EML4: variants seen among roughly 807,000 people sequenced by gnomAD.
EML4 encodes echinoderm microtubule-associated protein-like 4.
Under a neutral mutation model 129.0 loss-of-function variants are expected in EML4, and 72 were observed. That is an observed-to-expected ratio of 0.56 (90% CI 0.46 to 0.68). The LOEUF (loss-of-function observed/expected upper bound fraction) is 0.68, where lower values mean the gene tolerates loss of function less well. Among genes scored for constraint, EML4 ranks in the 30% least tolerant of loss-of-function variants. EML4 has a pLI of 0.00. For synonymous variants in EML4, 532 were observed against 405.0 expected, an observed-to-expected ratio of 1.31 and a Z score of -3.77; for missense variants, 1,363 against 1,190.6, an observed-to-expected ratio of 1.14 and a Z score of -2.13.
chr2:42,299,626 T>C (rs1414368798), intron 13 of EML4, among the ~76,000 whole-genome samples: 1 of 152,220 alleles, frequency 6.6e-6, no homozygotes, highest in Non-Finnish European at 1.5e-5. Context: ...TTCATATAAA[T>C]GGAGTCATAC....
rs1471028384 is a variant in EML4, at chr2:42,303,220, A to G, written c.1758A>G (p.Ile586Met). ...LRGTFNDGFQ[I>M]EVQGHTDELW... ...GAACATTTAATGATGGCTTCCAAAT[A>G]GAAGTACAGGTAAGCTGTGTGATAT... Residue 586 changes from isoleucine to methionine, a missense_variant, in exon 15 of 23, where the codon ATA (isoleucine) becomes ATG (methionine). Physicochemically the swap from Ile to Met is conservative, Grantham distance 10. Coordinates refer to ENST00000318522, the MANE Select transcript of EML4 (RefSeq NM_019063.5). 2.0e-5 allele frequency: 33 copies of G among 1,614,206 alleles called. No individual in the cohort carries two copies. Among genetic ancestry groups the G allele is most frequent in the Non-Finnish European group, 2.6e-5 (31 of 1,180,028 alleles).
At chr2:42,293,301 CTA>C (rs778627134) in intron 11 of EML4, among the ~76,000 whole-genome samples, 8 of 151,960 alleles carry the variant, frequency 5.3e-5, no homozygotes, top group Non-Finnish European at 7.4e-5. Flanking sequence ...ACAGGTCTCA[CTA>C]TGTTGCACAG....
In EML4 at chr2:42,303,305, T is replaced by C; in HGVS notation, c.1768-10T>C. ...TGGTTCTTATAACAATGAGTGTCTT[T>C]CATTTTCAGGGTCATACAGATGAGC... On this transcript the variant is annotated splice_polypyrimidine_tract_variant and intron_variant, in intron 15 of 22. Transcript: ENST00000318522. 9 of 1,614,136 alleles carry C rather than the reference T, an allele frequency of 5.6e-6. No individual in the cohort carries two copies. The highest frequency in any genetic ancestry group is 7.6e-6 in the Non-Finnish European group (9 of 1,180,006).
In EML4 at chr2:42,209,763, C is replaced by T. The variant is rs1186773153; in HGVS notation, c.26-35742C>T. ...TGACCAACACGGAGAAACCCGGTCT[C>T]TATTAAAAATACAAAATTAGCTGGG... On this transcript the variant is annotated intron_variant, in intron 1 of 22. Coordinates refer to ENST00000318522, the MANE Select transcript of EML4 (RefSeq NM_019063.5). 2.0e-5 allele frequency among the ~76,000 whole-genome samples: 3 copies of T among 152,104 alleles called. 1 individual carries two copies. Among genetic ancestry groups the T allele is most frequent in the African/African-American group, 7.2e-5 (3 of 41,422 alleles).
Position 42,291,010 on chromosome 2 carries a change from A to G in EML4, c.1218+2688A>G, listed in dbSNP as rs181125619. On this transcript the variant is annotated intron_variant, in intron 11 of 22. Coordinates refer to ENST00000318522, the MANE Select transcript of EML4 (RefSeq NM_019063.5). ...AGAATAAGGTCAAAGCACATAAAAT[A>G]TAAAATATCAAGACTTATGTAATTA... Among the ~76,000 whole-genome samples, 4 of 152,370 alleles carry G rather than the reference A, an allele frequency of 2.6e-5. No individual in the cohort carries two copies. In the East Asian group the frequency reaches 7.7e-4, roughly 29 times the overall value.
intron 1 of EML4, among the ~76,000 whole-genome samples, chr2:42,219,592 TG>T (rs1204953482): frequency 6.6e-6 from 1 of 152,202 alleles, no homozygotes; most frequent in Non-Finnish European, 1.5e-5. Flanking sequence ...TATGTGGTTT[TG>T]TTTTGGTTTT....
At chr2:42,292,838 G>C (rs917413820) in intron 11 of EML4, among the ~76,000 whole-genome samples, 18 of 152,180 alleles carry the variant, frequency 1.2e-4, no homozygotes, top group Non-Finnish European at 2.5e-4. Flanking sequence ...TAAACTCATA[G>C]ATTTCTTCAG....
Position 42,280,850 on chromosome 2 carries a change from A to G in EML4, c.668A>G (p.Glu223Gly). The stretch of plus-strand genomic sequence containing the variant: ...TAACTTTTGTCTTGTGTTTCAACAG[A>G]AGGAGAATATATTAAAATGTTTATG... ...DKHKDVIINQ[E>G]GEYIKMFMRG... The change falls in exon 7 of 23, where the codon GAA becomes GGA. Residue 223 changes from glutamate (E) to glycine (G), a missense_variant and splice_region_variant. Transcript: ENST00000318522. The G allele has an allele frequency of 6.2e-7, 1 of 1,604,398 alleles. No homozygotes were observed. The highest frequency in any genetic ancestry group is 8.5e-7 in the Non-Finnish European group (1 of 1,176,542).
chr2:42,179,326 A>G (rs966242213), intron 1 of EML4, among the ~76,000 whole-genome samples: 2 of 151,326 alleles, frequency 1.3e-5, no homozygotes, highest in Admixed American at 6.6e-5. Flanking sequence ...ACTAAAGAAG[A>G]CTTAAGAGAT....
At chr2:42,228,404 G>A (rs180787743) in intron 1 of EML4, among the ~76,000 whole-genome samples, 8 of 152,266 alleles carry the variant, frequency 5.3e-5, no homozygotes, top group Admixed American at 3.9e-4. Flanking sequence ...TTGATTGATA[G>A]ATTTCCTCTG....
chr2:42,269,549 A>G (rs940859302), intron 6 of EML4, among the ~76,000 whole-genome samples: 15 of 152,192 alleles, frequency 9.9e-5, no homozygotes, highest in Admixed American at 6.5e-5. Flanking sequence ...AAGGTGATAT[A>G]TATGAGGAAA....
chr2:42,305,879 T>C (rs1327916740), intron 17 of EML4, among the ~76,000 whole-genome samples: 1 of 119,860 alleles, frequency 8.3e-6, no homozygotes, highest in East Asian at 4.1e-4. Context: ...TTTAGTCATT[T>C]AGAGGGGGTT....
intron 4 of EML4, among the ~76,000 whole-genome samples, chr2:42,261,826 T>G (rs1248451564): frequency 6.6e-6 from 1 of 152,202 alleles, no homozygotes; most frequent in Non-Finnish European, 1.5e-5. Context: ...TGGTCTTTTC[T>G]ATGCTAAAGG....
chr2:42,214,636 G>A (rs762386843), intron 1 of EML4, among the ~76,000 whole-genome samples: 9 of 152,132 alleles, frequency 5.9e-5, no homozygotes, highest in Non-Finnish European at 1.2e-4. Context: ...TTTGGGCAGG[G>A]CTTGGCTAGG....
intron 1 of EML4, among the ~76,000 whole-genome samples, chr2:42,232,764 C>T (rs1287356234): frequency 6.6e-6 from 1 of 152,174 alleles, no homozygotes; most frequent in East Asian, 1.9e-4. Flanking sequence ...GGCTGTGTCG[C>T]CCAGGCTGGA....
rs867268793 is a variant in EML4, at chr2:42,220,024, G to C, written c.26-25481G>C. Among the ~76,000 whole-genome samples, 4 of 151,984 alleles carry C rather than the reference G, an allele frequency of 2.6e-5. No homozygotes were observed. In the East Asian group the frequency reaches 5.8e-4, roughly 22 times the overall value. On this transcript the variant is annotated intron_variant, in intron 1 of 22. Coordinates refer to ENST00000318522, the MANE Select transcript of EML4 (RefSeq NM_019063.5). ...AAGGGGTGGCAGTTTGGGTAGGGGA[G>C]TATGTCTTGAAGATTTATTTTGTTG... is the stretch of plus-strand genomic sequence containing the variant.
chr2:42,230,686 G>A lies in EML4; in HGVS notation c.26-14819G>A, dbSNP rs535735067. On this transcript the variant is annotated intron_variant, in intron 1 of 22. Coordinates refer to ENST00000318522, the MANE Select transcript of EML4 (RefSeq NM_019063.5). ...CTCCGAAAGTGCTGGGATTACAGGC[G>A]TGAGCCACCGTGCCCAGCCAGCTCA... 4.2e-3 allele frequency among the ~76,000 whole-genome samples: 640 copies of A among 152,286 alleles called. 2 individuals carry two copies. The highest frequency in any genetic ancestry group is 6.5e-3 in the Non-Finnish European group (440 of 68,016).
Position 42,209,439 on chromosome 2 carries a change from C to A in EML4, c.26-36066C>A, listed in dbSNP as rs148929402. Among the ~76,000 whole-genome samples, 669 of 152,236 alleles carry A rather than the reference C, an allele frequency of 4.4e-3. 19 individuals are homozygous for A. Among genetic ancestry groups the A allele is most frequent in the East Asian group, 4.2e-3 (22 of 5,186 alleles). ...ACAGCAGTCTTGTAGGCATATTCTT[C>A]TTTCCATTTTATAGATGAGGAAATG... On this transcript the variant is annotated intron_variant, in intron 1 of 22. Transcript: ENST00000318522.
At chr2:42,229,469 G>A (rs1013401300) in intron 1 of EML4, among the ~76,000 whole-genome samples, 1 of 152,020 alleles carries the variant, frequency 6.6e-6, no homozygotes. Flanking sequence ...TGTATTCCAG[G>A]AACAGTTATG....
Sources: gnomAD v4.1 joint callset for allele counts (sites outside exome capture counted in the v4.1 genomes callset) on GRCh38, gnomAD v4.1.1 for gene constraint, MANE v1.5 for transcripts, NCBI Gene and HGNC (gene_info 2026-07-23, HGNC 2026-07-21) for gene names.